Variants in FLYWCH1 observed in about 807,000 individuals in gnomAD.
The protein encoded by FLYWCH1 is FLYWCH-type zinc finger 1.
In FLYWCH1, 75 loss-of-function variants were observed where a neutral mutation model predicts 66.4. The ratio of observed to expected loss-of-function variants is 1.13; its 90% confidence interval spans 0.94 to 1.37. The LOEUF (loss-of-function observed/expected upper bound fraction) is 1.37. FLYWCH1 is among the 40% of genes most tolerant of loss of function. The probability of loss-of-function intolerance (pLI) is 0.00; values close to 1 mark genes in which losing one functional copy is unlikely to be tolerated. For synonymous variants in FLYWCH1, 595 were observed against 429.9 expected (o/e 1.38, Z -4.75); for missense variants, 1,334 against 1,001.8 (o/e 1.33, Z -4.48).
chr16:2,933,064 C>G lies in FLYWCH1; in HGVS notation c.797-66C>G, dbSNP rs1009676901. 7.3e-6 allele frequency: 10 copies of G among 1,378,708 alleles called. No homozygotes were observed. In the African/African-American group the frequency reaches 1.1e-4, roughly 16 times the overall value. 85.4% of individuals were successfully genotyped at this position (1,378,708 alleles called of 1,614,324 possible). A position where few individuals can be genotyped will look rare whatever the true frequency, so the allele number is the denominator to read the frequency against. ...GGCTCGTGTCAGCCCCCACAGTCTG[C>G]AGGGGCTGTCCCTCCTGGGCTCCTC... On this transcript the variant is annotated intron_variant, in intron 4 of 9. Transcript: ENST00000253928.
At chr16:2,923,008 C>A (rs985426986) in intron 2 of FLYWCH1, 41 of 477,394 alleles carry the variant, frequency 8.6e-5, no homozygotes, top group South Asian at 5.9e-4. Flanking sequence ...ACGCGCGGAT[C>A]TTTTTTTGGG....
At chr16:2,930,927 C>A in intron 4 of FLYWCH1, 47 bp downstream of exon 4, 2 of 1,428,086 alleles carry the variant, frequency 1.4e-6, no homozygotes, top group Non-Finnish European at 1.9e-6. Context: ...GGCAGGGGAC[C>A]CGAGGGCCCT....
intron 4 of FLYWCH1, 120 bp downstream of exon 4, chr16:2,931,000 A>G (rs2150950803): frequency 1.3e-6 from 1 of 796,442 alleles, no homozygotes; most frequent in South Asian, 1.8e-5. Flanking sequence ...CAAAGCTAAA[A>G]TGACTTTTAA....
chr16:2,930,922 G>T, intron 4 of FLYWCH1, 42 bp downstream of exon 4: 1 of 1,456,222 alleles, frequency 6.9e-7, no homozygotes, highest in Non-Finnish European at 9.2e-7. Context: ...CTCGGGGCAG[G>T]GGACCCGAGG....
chr16:2,942,122 C>CA (rs1247783046), intron 9 of FLYWCH1, among the ~76,000 whole-genome samples: 1 of 149,876 alleles, frequency 6.7e-6, no homozygotes. Context: ...ATCTACAGAT[C>CA]AAAAAAATTG....
At chr16:2,943,032 C>T (rs1403188203) in intron 9 of FLYWCH1, among the ~76,000 whole-genome samples, 2 of 152,098 alleles carry the variant, frequency 1.3e-5, no homozygotes, top group Admixed American at 1.3e-4. Context: ...GTAAAGAGCT[C>T]CTATGTGGAT....
chr16:2,934,006 GCCC>G (rs1178832829), intron 6 of FLYWCH1, 27 bp downstream of exon 6: 2 of 1,493,668 alleles, frequency 1.3e-6, no homozygotes, highest in African/African-American at 2.8e-5. Flanking sequence ...TGGGAGCTGG[GCCC>G]CAGGAAGCAG....
intron 9 of FLYWCH1, 30 bp downstream of exon 9, chr16:2,940,122 GACCAATT>G (rs2071200821): frequency 9.9e-7 from 1 of 1,014,458 alleles, no homozygotes; most frequent in Non-Finnish European, 1.6e-6. Context: ...AATGGTGCAT[GACCAATT>G]ACAACAAAAC....
At chr16:2,913,700 G>T (rs1182170359) in intron 1 of FLYWCH1, among the ~76,000 whole-genome samples, 1 of 152,136 alleles carries the variant, frequency 6.6e-6, no homozygotes, top group Non-Finnish European at 1.5e-5. Flanking sequence ...GGGCATCTCT[G>T]CCACCTTCAA....
At position 2,933,143 on chromosome 16, in the gene FLYWCH1, C is replaced by T; in HGVS notation, c.810C>T (p.Pro270=). ...TCTCTCCTCTAGGACAGGCCCGGCC[C>T]CTCGAGTTCCTGAGGACGTGCTACG... ...RSILGLGQAR[P]LEFLRTCYGG... is the part of the protein sequence containing the mutation. Residue 270 remains proline, a synonymous_variant, in exon 5 of 10, where the codon CCC becomes CCT. Transcript: ENST00000253928. The T allele has an allele frequency of 6.2e-7, 1 of 1,613,390 alleles. No individual in the cohort carries two copies. The highest frequency in any genetic ancestry group is 8.5e-7 in the Non-Finnish European group (1 of 1,179,688).
chr16:2,932,795 A>G (rs1363850004), intron 4 of FLYWCH1, among the ~76,000 whole-genome samples: 2 of 151,956 alleles, frequency 1.3e-5, no homozygotes, highest in African/African-American at 4.8e-5. Context: ...TCCCGGTGTA[A>G]CCTTGATGCA....
chr16:2,948,789 A>C lies in FLYWCH1; in HGVS notation c.*62A>C, dbSNP rs1421656862. Reference sequence around the variant, plus strand: ...AAGGTGGCTTCACATCCACACAGGCACTTCCCATCCACCTAGGTTTGGCTT... The same window carrying C: ...AAGGTGGCTTCACATCCACACAGGCCCTTCCCATCCACCTAGGTTTGGCTT... On this transcript the variant is annotated 3_prime_UTR_variant, in exon 10 of 10. Transcript: ENST00000253928. The C allele has an allele frequency of 2.7e-6, 4 of 1,472,342 alleles. No homozygotes were observed. Among genetic ancestry groups the C allele is most frequent in the Non-Finnish European group, 3.8e-6 (4 of 1,053,114 alleles). The allele number at this position is 1,472,342 out of a possible 1,614,324, so 91.2% of individuals were successfully genotyped here.
chr16:2,926,747 T>G (rs1370400392), intron 2 of FLYWCH1, among the ~76,000 whole-genome samples: 1 of 152,190 alleles, frequency 6.6e-6, no homozygotes, highest in African/African-American at 2.4e-5. Context: ...GAATGTCAAT[T>G]GGCCATAAAG....
intron 9 of FLYWCH1, among the ~76,000 whole-genome samples, chr16:2,946,877 G>A (rs2071508381): frequency 6.6e-6 from 1 of 152,080 alleles, no homozygotes. Context: ...GGAGAAACTG[G>A]AACCCTCATA....
chr16:2,914,724 C>A (rs1596349017), intron 2 of FLYWCH1, among the ~76,000 whole-genome samples: 1 of 151,914 alleles, frequency 6.6e-6, no homozygotes, highest in African/African-American at 2.4e-5. Flanking sequence ...CATGGTGAAA[C>A]CCTGTCTATA....
intron 6 of FLYWCH1, chr16:2,934,651 T>TGC (rs1319930004): frequency 2.2e-6 from 1 of 456,984 alleles, no homozygotes; most frequent in South Asian, 1.5e-5. Context: ...TTCCGGATCC[T>TGC]GCAGCTTTTG....
intron 4 of FLYWCH1, among the ~76,000 whole-genome samples, chr16:2,932,340 C>A (rs12709142): frequency 0.52 from 77,485 of 147,638 alleles, 20,533 homozygotes; most frequent in Admixed American, 0.6. Context: ...CTAGGTTCAA[C>A]TTTCAGCCCT....
At chr16:2,942,022 A>AAAAAAAAAAAAAAAAAC (rs1567351594) in intron 9 of FLYWCH1, among the ~76,000 whole-genome samples, 1 of 135,346 alleles carries the variant, frequency 7.4e-6, no homozygotes, top group African/African-American at 2.9e-5. Context: ...AAAAAAAAAA[A>AAAAAAAAAAAAAAAAAC]ACTGAAGCAG....
intron 9 of FLYWCH1, among the ~76,000 whole-genome samples, chr16:2,945,969 C>G (rs1261538670): frequency 6.6e-6 from 1 of 151,834 alleles, no homozygotes; most frequent in Non-Finnish European, 1.5e-5. Flanking sequence ...TGCACTCCAG[C>G]CTGGGCAACA....
Sources: allele counts gnomAD v4.1 joint callset (sites outside exome capture counted in the v4.1 genomes callset), GRCh38; gene constraint gnomAD v4.1.1; transcripts MANE v1.5; gene names NCBI Gene and HGNC (gene_info 2026-07-23, HGNC 2026-07-21).